Variants in CSMD1 observed in about 807,000 individuals in gnomAD.
CSMD1 encodes the protein CUB and sushi domain-containing protein 1.
Under a neutral mutation model 417.5 loss-of-function variants are expected in CSMD1, and 213 were observed. The observed-to-expected ratio is 0.51, with a 90% CI of 0.46 to 0.57. CSMD1 has a LOEUF of 0.57. Ranked by LOEUF, CSMD1 falls within the 20% of genes least tolerant of loss-of-function variation. The pLI is 0.00. For synonymous variants in CSMD1, 2,862 were observed against 1,736.8 expected (o/e 1.65, Z -16.11); for missense variants, 6,923 against 4,529.7 (o/e 1.53, Z -15.17).
At chr8:3,920,548 CT>C (rs1223936195) in intron 5 of CSMD1, among the ~76,000 whole-genome samples, 1 of 152,004 alleles carries the variant, frequency 6.6e-6, no homozygotes, top group African/African-American at 2.4e-5. Flanking sequence ...GGCAACTTGT[CT>C]TGTTCTTAAA....
chr8:3,053,818 C>A (rs1193324563), intron 49 of CSMD1, among the ~76,000 whole-genome samples: 1 of 152,130 alleles, frequency 6.6e-6, no homozygotes, highest in Non-Finnish European at 1.5e-5. Flanking sequence ...TTCAGCTGCA[C>A]TCATAAAAGA....
At chr8:3,843,497 C>T (rs1048593637) in intron 5 of CSMD1, among the ~76,000 whole-genome samples, 2 of 151,648 alleles carry the variant, frequency 1.3e-5, no homozygotes, top group South Asian at 2.1e-4. Flanking sequence ...GTACATGAAA[C>T]ATGAGACAGA....
chr8:3,949,773 C>A (rs1395836352), intron 5 of CSMD1, among the ~76,000 whole-genome samples: 3 of 152,130 alleles, frequency 2.0e-5, no homozygotes, highest in Non-Finnish European at 4.4e-5. Flanking sequence ...CACAAGACAG[C>A]CACAAGCACT....
intron 3 of CSMD1, among the ~76,000 whole-genome samples, chr8:4,402,805 T>A (rs1217768293): frequency 9.1e-4 from 60 of 65,742 alleles, no homozygotes; most frequent in African/African-American, 3.1e-3. Flanking sequence ...TTTTTCTTTT[T>A]TTTTTTTTTT....
chr8:4,754,047 T>C (rs1585046339), intron 1 of CSMD1, among the ~76,000 whole-genome samples: 1 of 152,050 alleles, frequency 6.6e-6, no homozygotes, highest in South Asian at 2.1e-4. Context: ...TGACATAACA[T>C]AAAAGGAAAA....
At chr8:3,071,396 A>C (rs1813314503) in intron 49 of CSMD1, among the ~76,000 whole-genome samples, 1 of 152,188 alleles carries the variant, frequency 6.6e-6, no homozygotes, top group African/African-American at 2.4e-5. Context: ...CAAATACCTA[A>C]TGAATGCAGG....
At chr8:4,915,971 C>G (rs1020991163) in intron 1 of CSMD1, among the ~76,000 whole-genome samples, 5 of 152,136 alleles carry the variant, frequency 3.3e-5, no homozygotes, top group African/African-American at 4.8e-5. Flanking sequence ...TCTTCTCTTC[C>G]GCTAGTTCCC....
intron 7 of CSMD1, among the ~76,000 whole-genome samples, chr8:3,676,655 G>T (rs1039349688): frequency 6.6e-6 from 1 of 152,186 alleles, no homozygotes; most frequent in Non-Finnish European, 1.5e-5. Flanking sequence ...ACACATGTGG[G>T]TAGAGTATAT....
At chr8:4,731,506 T>C (rs293882) in intron 1 of CSMD1, among the ~76,000 whole-genome samples, 82,945 of 152,068 alleles carry the variant, frequency 0.55, 24,340 homozygotes, top group African/African-American at 0.77. Flanking sequence ...AGATATATGA[T>C]GTCATAACTT....
chr8:4,880,167 T>C (rs910138287), intron 1 of CSMD1, among the ~76,000 whole-genome samples: 1 of 151,586 alleles, frequency 6.6e-6, no homozygotes, highest in Non-Finnish European at 1.5e-5. Flanking sequence ...CCCAGACATG[T>C]GGCTGAATTT....
chr8:3,799,725 T>C (rs1266450352), intron 5 of CSMD1, among the ~76,000 whole-genome samples: 1 of 152,036 alleles, frequency 6.6e-6, no homozygotes, highest in Non-Finnish European at 1.5e-5. Flanking sequence ...TGACATTCTG[T>C]GCATTGTTTT....
rs540561480 is a variant in CSMD1, at chr8:3,416,872, C to G, written c.1562-7267G>C. Among the ~76,000 whole-genome samples, 3 of 152,312 alleles carry G rather than the reference C, an allele frequency of 2.0e-5. No homozygotes were observed. In the South Asian group the frequency reaches 6.2e-4, roughly 32 times the overall value. On this transcript the variant is annotated intron_variant, in intron 12 of 69. Transcript: ENST00000635120. ...AGGTTCTTTCTCTTCCCTTCCAAAACCACTTATGAAAGTTCTTTGTATAAA... is the reference window on the plus strand; with the variant it reads ...AGGTTCTTTCTCTTCCCTTCCAAAAGCACTTATGAAAGTTCTTTGTATAAA...
chr8:4,124,749 A>G (rs1210606268), intron 3 of CSMD1, among the ~76,000 whole-genome samples: 1 of 152,206 alleles, frequency 6.6e-6, no homozygotes, highest in African/African-American at 2.4e-5. Flanking sequence ...GCTGCAAACT[A>G]AGGGACTGAA....
chr8:3,188,311 T>TTC (rs1796204202), intron 35 of CSMD1, among the ~76,000 whole-genome samples: 1 of 133,344 alleles, frequency 7.5e-6, no homozygotes, highest in Non-Finnish European at 1.6e-5. Context: ...TTTCTTTTTT[T>TTC]TTTTTTTTTT....
intron 10 of CSMD1, among the ~76,000 whole-genome samples, chr8:3,517,064 G>A (rs989452669): frequency 2.0e-5 from 3 of 152,172 alleles, no homozygotes; most frequent in East Asian, 1.9e-4. Flanking sequence ...CACTGGAACC[G>A]ACAGCTCCAG....
At chr8:3,887,047 A>AT in intron 5 of CSMD1, among the ~76,000 whole-genome samples, 1 of 151,986 alleles carries the variant, frequency 6.6e-6, no homozygotes, top group East Asian at 1.9e-4. Context: ...TGCCTCACAC[A>AT]TTTTCCCACC....
intron 3 of CSMD1, among the ~76,000 whole-genome samples, chr8:4,301,138 G>A (rs1372003882): frequency 6.6e-6 from 1 of 152,182 alleles, no homozygotes; most frequent in East Asian, 1.9e-4. Context: ...GGAGAGGAAT[G>A]AGCAGGAGCA....
intron 10 of CSMD1, among the ~76,000 whole-genome samples, chr8:3,536,807 T>G (rs1798219925): frequency 6.6e-6 from 1 of 152,120 alleles, no homozygotes; most frequent in Non-Finnish European, 1.5e-5. Flanking sequence ...GGAATGCTGT[T>G]AGGTTTGTGC....
chr8:2,989,301 C>A (rs956466891), intron 54 of CSMD1, among the ~76,000 whole-genome samples: 2 of 152,010 alleles, frequency 1.3e-5, no homozygotes, highest in Non-Finnish European at 2.9e-5. Flanking sequence ...GTTTTAATAA[C>A]ATGCATATAA....
Sources: gnomAD v4.1 joint callset for allele counts (sites outside exome capture counted in the v4.1 genomes callset) on GRCh38, gnomAD v4.1.1 for gene constraint, MANE v1.5 for transcripts, NCBI Gene and HGNC (gene_info 2026-07-23, HGNC 2026-07-21) for gene names.